The following PURG variants were observed in gnomAD, a reference collection of about 807,000 sequenced individuals.
PURG encodes the protein purine rich element binding protein G.
Under a neutral mutation model 24.3 loss-of-function variants are expected in PURG, and 3 were observed. That is an observed-to-expected ratio of 0.12 (90% CI 0.06 to 0.32). PURG has a LOEUF of 0.32. Among genes scored for constraint, PURG ranks in the 10% least tolerant of loss-of-function variants. The pLI is 1.00. For synonymous variants in PURG, 180 were observed against 173.1 expected, an observed-to-expected ratio of 1.04 and a Z score of -0.31; for missense variants, 371 against 439.1, an observed-to-expected ratio of 0.84 and a Z score of 1.39.
At chr8:31,014,732 A>C (rs1810827032) in intron 1 of PURG, among the ~76,000 whole-genome samples, 1 of 152,256 alleles carries the variant, frequency 6.6e-6, no homozygotes, top group Non-Finnish European at 1.5e-5. Flanking sequence ...ATGGTAAAAC[A>C]GTCTTAGAAT....
intron 1 of PURG, among the ~76,000 whole-genome samples, chr8:31,021,187 AGTT>A (rs780639373): frequency 6.6e-6 from 1 of 152,184 alleles, no homozygotes. Context: ...GGCAGGAAAA[AGTT>A]GTAAGAAATC....
chr8:31,021,900 TC>T (rs1810999126), intron 1 of PURG, among the ~76,000 whole-genome samples: 1 of 152,102 alleles, frequency 6.6e-6, no homozygotes, highest in African/African-American at 2.4e-5. Flanking sequence ...AATTGACTCT[TC>T]CTTTTCTTAC....
chr8:31,019,332 T>TTA (rs1307757712), intron 1 of PURG, among the ~76,000 whole-genome samples: 1 of 131,934 alleles, frequency 7.6e-6, no homozygotes, highest in Non-Finnish European at 1.6e-5. Context: ...CTCTAATTTT[T>TTA]TTTTTTTTTT....
chr8:30,998,904 G>C (rs912285484), intron 1 of PURG, among the ~76,000 whole-genome samples: 4 of 151,698 alleles, frequency 2.6e-5, no homozygotes, highest in Admixed American at 2.6e-4. Flanking sequence ...TCAGGTACAG[G>C]CACAATGAGT....
Position 31,032,320 on chromosome 8 carries a change from G to A in PURG, c.463C>T (p.Pro155Ser). Residue 155 changes from proline (P) to serine (S), a missense_variant, in exon 2 of 2, where the codon CCC (proline) becomes TCC (serine). Physicochemically the swap from Pro to Ser is moderately conservative, Grantham distance 74 (BLOSUM62 -1). This residue lies in a region of PURG where 213 missense variants were observed against 230.6 expected (regional missense o/e 0.92). Transcript: ENST00000523392. The surrounding 1 kb of genome is among the most constrained non-coding windows in gnomAD (Gnocchi z 5.9). ...GSRRRQKHSA[P>S]SPPVSVGSEE... ...GACCCCACCGAGACTGGTGGGGAGG[G>A]TGCCGAGTGCTTCTGCCTCCTTCTG... The A allele has an allele frequency of 6.2e-7, 1 of 1,612,852 alleles. No homozygotes were observed. The highest frequency in any genetic ancestry group is 8.5e-7 in the Non-Finnish European group (1 of 1,180,004).
At chr8:30,997,441 C>T (rs1009381534) in intron 1 of PURG, among the ~76,000 whole-genome samples, 6 of 151,640 alleles carry the variant, frequency 4.0e-5, no homozygotes, top group Non-Finnish European at 8.9e-5. Context: ...AACCAAACAA[C>T]TGACATGGAA....
chr8:31,022,091 CT>C (rs1035917655), intron 1 of PURG, among the ~76,000 whole-genome samples: 1 of 152,024 alleles, frequency 6.6e-6, no homozygotes, highest in Non-Finnish European at 1.5e-5. Context: ...CTGCCTCAGC[CT>C]TCTGACTAGC....
chr8:31,023,559 G>T (rs1175026124), intron 1 of PURG, among the ~76,000 whole-genome samples: 1 of 148,644 alleles, frequency 6.7e-6, no homozygotes, highest in African/African-American at 2.5e-5. Context: ...AAAAAAAAAA[G>T]TAATAATAAA....
chr8:31,030,571 TC>T (rs1359367624), downstream of PURG, among the ~76,000 whole-genome samples: 1 of 151,978 alleles, frequency 6.6e-6, no homozygotes, highest in Non-Finnish European at 1.5e-5. Context: ...GCCTGAATTT[TC>T]CTTTCAAATA....
At position 31,032,638 on chromosome 8, in the gene PURG, T is replaced by G. The variant is rs1033010874; in HGVS notation, c.145A>C (p.Asn49His). Residue 49 changes from asparagine to histidine, a missense_variant, in exon 2 of 2, where the codon AAT (asparagine) becomes CAT (histidine). Coordinates refer to ENST00000523392, the MANE Select transcript of PURG (RefSeq NM_001323311.2). The surrounding 1 kb of genome is among the most constrained non-coding windows in gnomAD (Gnocchi z 5.9). ...YPHYAASATP[N>H]QAGGAAEIQE... Reference sequence around the variant, plus strand: ...ATTTCGGCTGCGCCCCCGGCCTGATTAGGGGTGGCTGAGGCCGCGTAGTGG... The same window carrying G: ...ATTTCGGCTGCGCCCCCGGCCTGATGAGGGGTGGCTGAGGCCGCGTAGTGG... 2 of 1,590,664 alleles carry G rather than the reference T, an allele frequency of 1.3e-6. No individual in the cohort carries two copies. The highest frequency in any genetic ancestry group is 1.7e-6 in the Non-Finnish European group (2 of 1,166,954).
downstream of PURG, among the ~76,000 whole-genome samples, chr8:31,025,998 C>T (rs1468470874): frequency 3.3e-5 from 5 of 151,686 alleles, no homozygotes; most frequent in Non-Finnish European, 7.4e-5. Context: ...CTAGAGTTAC[C>T]TATTTGCTTA....
At chr8:31,020,597 A>G (rs1377716831) in intron 1 of PURG, among the ~76,000 whole-genome samples, 1 of 152,208 alleles carries the variant, frequency 6.6e-6, no homozygotes, top group African/African-American at 2.4e-5. Flanking sequence ...CTGTTGAAAA[A>G]TGAGAGGGAA....
intron 1 of PURG, among the ~76,000 whole-genome samples, chr8:31,014,606 G>A (rs1380560459): frequency 6.6e-6 from 1 of 152,088 alleles, no homozygotes; most frequent in African/African-American, 2.4e-5. Context: ...TATTAAAGCT[G>A]TTTAAAGGTA....
At chr8:30,996,464 G>T (rs1810429424) in exon 2 of PURG, 3 of 594,076 alleles carry the variant, frequency 5.0e-6, no homozygotes, top group African/African-American at 1.9e-5. Context: ...TGATGCCAGT[G>T]GTGTTGATAC....
At chr8:31,006,751 A>G (rs186668845) in intron 1 of PURG, among the ~76,000 whole-genome samples, 3 of 152,322 alleles carry the variant, frequency 2.0e-5, no homozygotes, top group Admixed American at 2.0e-4. Context: ...CCCTAGTACA[A>G]TGCTGGGCCT....
chr8:31,013,523 A>C (rs1810801340), intron 1 of PURG, among the ~76,000 whole-genome samples: 1 of 152,134 alleles, frequency 6.6e-6, no homozygotes, highest in Admixed American at 6.5e-5. Flanking sequence ...GGATTACCTG[A>C]GGCAGGAGTT....
intron 1 of PURG, among the ~76,000 whole-genome samples, chr8:31,003,116 A>G (rs1022278672): frequency 6.6e-6 from 1 of 152,162 alleles, no homozygotes; most frequent in African/African-American, 2.4e-5. Context: ...GACTTAGGCC[A>G]AATTCTACAC....
At chr8:30,999,491 A>T (rs1234609718) in intron 1 of PURG, among the ~76,000 whole-genome samples, 1 of 151,920 alleles carries the variant, frequency 6.6e-6, no homozygotes, top group African/African-American at 2.4e-5. Flanking sequence ...CATTTTGTGT[A>T]ATTAGAAAAA....
In PURG at chr8:31,030,925, T is replaced by C. The variant is rs1377499180; in HGVS notation, c.*814A>G. 1 of 152,386 alleles carries C rather than the reference T, an allele frequency of 6.6e-6. No homozygotes were observed. Among genetic ancestry groups the C allele is most frequent in the Non-Finnish European group, 1.5e-5 (1 of 67,954 alleles). 9.4% of individuals were successfully genotyped at this position (152,386 alleles called of 1,614,324 possible). Reference sequence around the variant, plus strand: ...AGCATGAAAAGCTACACCACCAAGATTTCCATAGCAAAGCCATTGGATGAA... The same window carrying C: ...AGCATGAAAAGCTACACCACCAAGACTTCCATAGCAAAGCCATTGGATGAA... On this transcript the variant is annotated 3_prime_UTR_variant, in exon 2 of 2. Coordinates refer to ENST00000523392, the MANE Select transcript of PURG (RefSeq NM_001323311.2).
Sources: gnomAD v4.1 joint callset for allele counts (sites outside exome capture counted in the v4.1 genomes callset) on GRCh38, gnomAD v4.1.1 for gene constraint, gnomAD v4.1.1 regional missense constraint, Gnocchi (gnomAD v3.1) non-coding constraint, MANE v1.5 for transcripts, NCBI Gene and HGNC (gene_info 2026-07-23, HGNC 2026-07-21) for gene names.